The following PIK3CA variants were observed in gnomAD, a reference collection of about 807,000 sequenced individuals.
PIK3CA encodes phosphatidylinositol-4,5-bisphosphate 3-kinase catalytic subunit alpha.
In PIK3CA, 27 loss-of-function variants were observed where a neutral mutation model predicts 138.2. The ratio of observed to expected loss-of-function variants is 0.20; its 90% CI spans 0.14 to 0.27. The LOEUF (loss-of-function observed/expected upper bound fraction) is 0.27, where lower values mean the gene tolerates loss of function less well. PIK3CA is among the 10% of genes least tolerant of loss of function. The probability of loss-of-function intolerance (pLI) is 1.00; values close to 1 mark genes in which losing one functional copy is unlikely to be tolerated. For missense variants in PIK3CA, 544 were observed against 1,277.4 expected (o/e 0.43, Z 8.75); for synonymous variants, 358 against 413.2 (o/e 0.87, Z 1.62).
At position 179,226,182 on chromosome 3, in the gene PIK3CA, T is replaced by G. The variant is rs558164678; in HGVS notation, c.2495+142T>G. On this transcript the variant is annotated intron_variant, in intron 17 of 20. Transcript: ENST00000263967. ...CAGTAGTTGATTACACTATAGTACT[T>G]TGACATATCCTCCTCTTACTTAGAA... The G allele has an allele frequency of 1.4e-5, 6 of 439,254 alleles. No homozygotes were observed. In the South Asian group the frequency reaches 1.8e-4, roughly 14 times the overall value. The allele number at this position is 439,254 out of a possible 1,614,324, so 27.2% of individuals were successfully genotyped here.
rs1242872065 is a variant in PIK3CA at position 179,224,183 on chromosome 3, C to G, written c.2290C>G (p.Leu764Val). 6.6e-7 allele frequency: 1 copy of G among 1,507,560 alleles called. No homozygotes were observed. Among genetic ancestry groups the G allele is most frequent in the East Asian group, 2.3e-5 (1 of 43,912 alleles). 93.4% of individuals were successfully genotyped at this position (1,507,560 alleles called of 1,614,324 possible). ...PLNPAHQLGN[L>V]RLEECRIMSS... ...AAACCCTGCTCATCAACTAGGAAAC[C>G]TCAGGTACTTTCTTGGGGGTTTCAT... is the stretch of plus-strand genomic sequence containing the variant. The change falls in exon 15 of 21, where the codon CTC becomes GTC. Residue 764 changes from leucine (L) to valine (V), a missense_variant. Around this residue, in one of 14 missense-constraint regions of PIK3CA, gnomAD observed 35 missense variants for 49.4 expected, o/e 0.71. Transcript: ENST00000263967.
intron 1 of PIK3CA, among the ~76,000 whole-genome samples, chr3:179,160,403 G>A (rs1321114996): frequency 6.6e-6 from 1 of 152,110 alleles, no homozygotes; most frequent in African/African-American, 2.4e-5. Context: ...ACATTTTGTT[G>A]TGTTGAGTGT....
chr3:179,218,974 C>T (rs564664319), intron 10 of PIK3CA, among the ~76,000 whole-genome samples: 1 of 152,066 alleles, frequency 6.6e-6, no homozygotes, highest in South Asian at 2.1e-4. Flanking sequence ...AATCCATTTG[C>T]ATTTTCCTTT....
At chr3:179,201,690 C>T in intron 4 of PIK3CA, 150 bp downstream of exon 4, 1 of 560,920 alleles carries the variant, frequency 1.8e-6, no homozygotes, top group Non-Finnish European at 3.1e-6. Flanking sequence ...ACTGCAGGCT[C>T]TGCCTCCTGG....
rs201402676 is a variant in PIK3CA at position 179,221,010 on chromosome 3, T to C, written c.2040T>C (p.Val680=). Residue 680 remains valine, a synonymous_variant, in exon 14 of 21, where the codon GTT becomes GTC. Coordinates refer to ENST00000263967, the MANE Select transcript of PIK3CA (RefSeq NM_006218.4). ...GATCTGAGATGCACAATAAAACAGT[T>C]AGCCAGAGGTTTGGCCTGCTTTTGG... is the stretch of plus-strand genomic sequence containing the variant. The part of the protein sequence containing the change: ...HLKSEMHNKT[V]SQRFGLLLES... 40 of 1,612,688 alleles carry C rather than the reference T, an allele frequency of 2.5e-5. No homozygotes were observed. The highest frequency in any genetic ancestry group is 3.2e-5 in the Non-Finnish European group (38 of 1,179,176).
chr3:179,162,749 G>T (rs184719318), intron 1 of PIK3CA, among the ~76,000 whole-genome samples: 1 of 152,092 alleles, frequency 6.6e-6, no homozygotes, highest in East Asian at 1.9e-4. Context: ...AATCTACTTG[G>T]ATGTTGGAGG....
At chr3:179,201,106 G>A (rs1319899685) in intron 3 of PIK3CA, among the ~76,000 whole-genome samples, 184 bp from the exon 4 acceptor site, 1 of 152,134 alleles carries the variant, frequency 6.6e-6, no homozygotes, top group Non-Finnish European at 1.5e-5. Flanking sequence ...ATTTGGGAAT[G>A]ATCTGGCAGC....
intron 6 of PIK3CA, among the ~76,000 whole-genome samples, chr3:179,208,087 G>T (rs1243775001): frequency 6.6e-6 from 1 of 151,882 alleles, no homozygotes; most frequent in Non-Finnish European, 1.5e-5. Context: ...AATAACATTT[G>T]TTTTTTCTTT....
At chr3:179,157,906 G>T (rs1035044640) in intron 1 of PIK3CA, among the ~76,000 whole-genome samples, 1 of 152,056 alleles carries the variant, frequency 6.6e-6, no homozygotes, top group Non-Finnish European at 1.5e-5. Context: ...TAAATGAGGG[G>T]TAATAACTAC....
rs1725318555 is a variant in PIK3CA at position 179,235,598 on chromosome 3, GT to G, written c.*1236del. 4.9e-6 allele frequency: 1 copy of G among 204,066 alleles called. No individual in the cohort carries two copies. The highest frequency in any genetic ancestry group is 1.0e-5 in the Non-Finnish European group (1 of 99,624). 12.6% of individuals were successfully genotyped at this position (204,066 alleles called of 1,614,324 possible). On this transcript the variant is annotated 3_prime_UTR_variant, in exon 21 of 21. Coordinates refer to ENST00000263967, the MANE Select transcript of PIK3CA (RefSeq NM_006218.4). Reference sequence around the variant, plus strand: ...AGAATGTCTCAATCATATGAAATTAGTTACCAGAATTAACACAATTTAGACT... The same window carrying G: ...AGAATGTCTCAATCATATGAAATTAGTACCAGAATTAACACAATTTAGACT...
At chr3:179,224,249 A>G (rs1576945336) in intron 15 of PIK3CA, 62 bp downstream of exon 15, 2 of 813,674 alleles carry the variant, frequency 2.5e-6, no homozygotes, top group East Asian at 5.0e-5. Context: ...TAAAATCTTG[A>G]GAAAAGTAAA....
intron 9 of PIK3CA, among the ~76,000 whole-genome samples, chr3:179,213,782 C>G (rs1724775314): frequency 6.6e-6 from 1 of 152,200 alleles, no homozygotes; most frequent in African/African-American, 2.4e-5. Context: ...TGTGAAAGTC[C>G]TAGATGGCAT....
chr3:179,232,411 G>A (rs987184637), intron 20 of PIK3CA, among the ~76,000 whole-genome samples: 7 of 151,980 alleles, frequency 4.6e-5, no homozygotes, highest in African/African-American at 1.7e-4. Flanking sequence ...AGATCAGTTC[G>A]TTGTAAGTTT....
rs1031051365 is a variant in PIK3CA at position 179,219,810 on chromosome 3, A to T, written c.1911+75A>T. Reference sequence around the variant, plus strand: ...TTCTAGATCCATACAACTTCCTTTTAAAAAACCTACTGCACTAACTAGTTT... The same window carrying T: ...TTCTAGATCCATACAACTTCCTTTTTAAAAACCTACTGCACTAACTAGTTT... On this transcript the variant is annotated intron_variant, in intron 12 of 20. Coordinates refer to ENST00000263967, the MANE Select transcript of PIK3CA (RefSeq NM_006218.4). This position sits in a 1 kb window ranked among gnomAD's most constrained non-coding sequence, Gnocchi z 4.2. 2.6e-5 allele frequency: 38 copies of T among 1,435,056 alleles called. 1 individual carries two copies. The African/African-American group carries it at 4.2e-4, about 16-fold the overall frequency. The allele number at this position is 1,435,056 out of a possible 1,614,324, so 88.9% of individuals were successfully genotyped here. A position where few individuals can be genotyped will look rare whatever the true frequency, so the allele number is the denominator to read the frequency against.
intron 1 of PIK3CA, among the ~76,000 whole-genome samples, chr3:179,151,039 A>G (rs1455356265): frequency 6.6e-6 from 1 of 152,218 alleles, no homozygotes. Flanking sequence ...TGATTCTTTA[A>G]ATGAAGTGTT....
At chr3:179,150,440 C>G (rs1722987405) in intron 1 of PIK3CA, among the ~76,000 whole-genome samples, 1 of 152,000 alleles carries the variant, frequency 6.6e-6, no homozygotes, top group African/African-American at 2.4e-5. Context: ...ACATTCCTGT[C>G]AGTTTTAAAT....
Position 179,219,564 on chromosome 3 carries a change from T to C in PIK3CA, c.1747-7T>C. The C allele has an allele frequency of 7.5e-7, 1 of 1,328,884 alleles. No individual in the cohort carries two copies. 82.3% of individuals were successfully genotyped at this position (1,328,884 alleles called of 1,614,324 possible). A position where few individuals can be genotyped will look rare whatever the true frequency, so the allele number is the denominator to read the frequency against. ...TAAATATGATTTATTGTCTTTCTCA[T>C]ACACAGATGTATTGCTTGGTAAAAG... On this transcript the variant is annotated splice_polypyrimidine_tract_variant and splice_region_variant and intron_variant, in intron 11 of 20. Coordinates refer to ENST00000263967, the MANE Select transcript of PIK3CA (RefSeq NM_006218.4). This position sits in a 1 kb window ranked among gnomAD's most constrained non-coding sequence, Gnocchi z 4.2.
intron 4 of PIK3CA, among the ~76,000 whole-genome samples, chr3:179,202,700 T>C (rs183734663): frequency 6.6e-6 from 1 of 152,156 alleles, no homozygotes; most frequent in Admixed American, 6.5e-5. Flanking sequence ...ACCAGTATAT[T>C]TTAACATTTT....
chr3:179,229,490 G>A (rs760316116), intron 18 of PIK3CA, 48 bp downstream of exon 18: 13 of 1,457,692 alleles, frequency 8.9e-6, no homozygotes, highest in Non-Finnish European at 1.2e-5. Flanking sequence ...GTTTTTGTTA[G>A]ATGAGTCTGT....
Sources: gnomAD v4.1 joint callset for allele counts (sites outside exome capture counted in the v4.1 genomes callset) on GRCh38, gnomAD v4.1.1 for gene constraint, gnomAD v4.1.1 regional missense constraint, Gnocchi (gnomAD v3.1) non-coding constraint, MANE v1.5 for transcripts, NCBI Gene and HGNC (gene_info 2026-07-23, HGNC 2026-07-21) for gene names.